The following PRUNE2 variants were observed in gnomAD, a reference collection of about 807,000 sequenced individuals.
The protein encoded by PRUNE2 is prune homolog 2 with BCH domain, also known as protein prune homolog 2.
Under a neutral mutation model 252.0 loss-of-function variants are expected in PRUNE2, and 164 were observed. The ratio of observed to expected loss-of-function variants is 0.65; its 90% CI spans 0.57 to 0.74. PRUNE2 has a LOEUF of 0.74. PRUNE2 is among the 30% of genes least tolerant of loss of function. The pLI is 0.00. For synonymous variants in PRUNE2, 1,292 were observed against 1,350.2 expected (o/e 0.96, Z 0.94); for missense variants, 3,495 against 3,711.0 (o/e 0.94, Z 1.51).
intron 9 of PRUNE2, among the ~76,000 whole-genome samples, chr9:76,660,850 T>C (rs1238840087): frequency 6.7e-6 from 1 of 150,148 alleles, no homozygotes; most frequent in African/African-American, 2.4e-5. Context: ...TGCTTACTTC[T>C]ACAAGCAAGT....
intron 6 of PRUNE2, among the ~76,000 whole-genome samples, chr9:76,716,436 G>A (rs1422093067): frequency 6.6e-6 from 1 of 152,178 alleles, no homozygotes; most frequent in African/African-American, 2.4e-5. Flanking sequence ...TTTATTAGTT[G>A]ATATATTTTC....
chr9:76,699,311 T>C (rs752830563), intron 9 of PRUNE2, among the ~76,000 whole-genome samples: 64 of 152,086 alleles, frequency 4.2e-4, no homozygotes, highest in Non-Finnish European at 7.6e-4. Context: ...ATAGTTAATG[T>C]TTATGTTTCG....
In PRUNE2 at chr9:76,707,512, T is replaced by A; in HGVS notation, c.4762A>T (p.Thr1588Ser). The change falls in exon 8 of 19, where the codon ACC becomes TCC. Residue 1588 changes from threonine (T) to serine (S), a missense_variant. By Grantham distance (58) the Thr-to-Ser change is moderately conservative (BLOSUM62 1). Transcript: ENST00000376718. The part of the protein sequence containing the change: ...EQNHQESELI[T>S]TDGQVEIVTK... ...ACTATTTCTACTTGGCCATCAGTGG[T>A]AATTAGTTCAGATTCTTGGTGATTC... The A allele has an allele frequency of 6.2e-7, 1 of 1,613,902 alleles. No homozygotes were observed. Among genetic ancestry groups the A allele is most frequent in the Non-Finnish European group, 8.5e-7 (1 of 1,179,790 alleles).
chr9:76,777,330 A>C (rs1299610902), intron 6 of PRUNE2, among the ~76,000 whole-genome samples: 1 of 152,166 alleles, frequency 6.6e-6, no homozygotes, highest in Non-Finnish European at 1.5e-5. Flanking sequence ...CTGAGAAAGA[A>C]TATAATAAGC....
At chr9:76,651,215 T>TG (rs879538564) in intron 11 of PRUNE2, among the ~76,000 whole-genome samples, 86 of 55,314 alleles carry the variant, frequency 1.6e-3, no homozygotes, top group Non-Finnish European at 2.7e-3. Context: ...CAATAACTTA[T>TG]GGAAAAAAAA....
intron 6 of PRUNE2, among the ~76,000 whole-genome samples, chr9:76,795,932 T>C (rs1475407516): frequency 6.6e-6 from 1 of 152,182 alleles, no homozygotes; most frequent in African/African-American, 2.4e-5. Flanking sequence ...CTCAAACAGA[T>C]AGATATTGGT....
intron 6 of PRUNE2, among the ~76,000 whole-genome samples, chr9:76,803,727 G>T (rs1589308337): frequency 6.6e-6 from 1 of 152,268 alleles, no homozygotes; most frequent in South Asian, 2.1e-4. Context: ...CCTAGCTGTA[G>T]ATTCCTGACC....
In PRUNE2 at chr9:76,792,290, T is replaced by C. The variant is rs560772651; in HGVS notation, c.756+31342A>G. 3.9e-5 allele frequency among the ~76,000 whole-genome samples: 6 copies of C among 152,286 alleles called. No individual in the cohort carries two copies. In the South Asian group the frequency reaches 6.2e-4, roughly 16 times the overall value. On this transcript the variant is annotated intron_variant, in intron 6 of 18. Coordinates refer to ENST00000376718, the MANE Select transcript of PRUNE2 (RefSeq NM_015225.3). ...CCCTCTTGCCTGTCACCATGTAAGATGTGACTATGCTCCTCCTTCACCTTC... is the reference window on the plus strand; with the variant it reads ...CCCTCTTGCCTGTCACCATGTAAGACGTGACTATGCTCCTCCTTCACCTTC...
At chr9:76,620,785 G>A (rs1831958900) in intron 17 of PRUNE2, among the ~76,000 whole-genome samples, 3 of 152,140 alleles carry the variant, frequency 2.0e-5, no homozygotes, top group South Asian at 4.1e-4. Flanking sequence ...AATCAAGAAA[G>A]GGCAATCTTC....
Position 76,709,647 on chromosome 9 carries a change from A to C in PRUNE2, c.2627T>G (p.Ile876Ser). The change falls in exon 8 of 19, where the codon ATC (isoleucine) becomes AGC (serine). Residue 876 changes from isoleucine to serine, a missense_variant. Transcript: ENST00000376718. ...AGAACTGGGATTTCCAGGTGCAAAG[A>C]TGTGATCCCTGGAGTCATTGTTTTT... is the stretch of plus-strand genomic sequence containing the variant. ...GKKNNDSRDHIFAPGNPSSDL... is the reference protein window; with the variant it reads ...GKKNNDSRDHSFAPGNPSSDL... 1 of 1,613,990 alleles carries C rather than the reference A, an allele frequency of 6.2e-7. No individual in the cohort carries two copies. Among genetic ancestry groups the C allele is most frequent in the Non-Finnish European group, 8.5e-7 (1 of 1,179,888 alleles).
intron 6 of PRUNE2, among the ~76,000 whole-genome samples, chr9:76,822,108 G>A (rs1348313192): frequency 6.6e-6 from 1 of 152,106 alleles, no homozygotes; most frequent in Non-Finnish European, 1.5e-5. Flanking sequence ...GTTTTCCTTG[G>A]GTTCTTAGGC....
At chr9:76,858,292 T>C (rs2060364943) in intron 1 of PRUNE2, among the ~76,000 whole-genome samples, 1 of 152,078 alleles carries the variant, frequency 6.6e-6, no homozygotes, top group African/African-American at 2.4e-5. Context: ...ATAATTTAAA[T>C]GGAGAAGATG....
intron 17 of PRUNE2, among the ~76,000 whole-genome samples, chr9:76,621,358 G>A (rs1536821): frequency 0.93 from 142,341 of 152,274 alleles, 66,635 homozygotes; most frequent in Admixed American, 0.96. Flanking sequence ...TGTTGCTGGT[G>A]GCCGAGATGG....
intron 6 of PRUNE2, among the ~76,000 whole-genome samples, chr9:76,746,472 G>A (rs935182641): frequency 1.3e-5 from 2 of 151,930 alleles, no homozygotes; most frequent in East Asian, 1.9e-4. Flanking sequence ...TTGGGAGGCC[G>A]AGGCGGGTGG....
rs1225502425 is a variant in PRUNE2 at position 76,706,895 on chromosome 9, C to T, written c.5379G>A (p.Gly1793=). 6.3e-7 allele frequency: 1 copy of T among 1,599,326 alleles called. No individual in the cohort carries two copies. Among genetic ancestry groups the T allele is most frequent in the Non-Finnish European group, 8.5e-7 (1 of 1,172,578 alleles). ...EKEKRSSPET[G]TTGDVAWQIS... ...TTTGCCATGCAACATCTCCTGTTGTCCCTGTTTCTGGAGAAGATCTCTTCT... is the reference window on the plus strand; with the variant it reads ...TTTGCCATGCAACATCTCCTGTTGTTCCTGTTTCTGGAGAAGATCTCTTCT... The change falls in exon 8 of 19, where the codon GGG becomes GGA. Residue 1793 remains glycine, a synonymous_variant. Transcript: ENST00000376718.
At position 76,762,332 on chromosome 9, in the gene PRUNE2, A is replaced by G. The variant is rs369021459; in HGVS notation, c.757-48611T>C. Among the ~76,000 whole-genome samples, 31 of 152,316 alleles carry G rather than the reference A, an allele frequency of 2.0e-4. 1 individual carries two copies. In the East Asian group the frequency reaches 4.8e-3, roughly 24 times the overall value. On this transcript the variant is annotated intron_variant, in intron 6 of 18. Coordinates refer to ENST00000376718, the MANE Select transcript of PRUNE2 (RefSeq NM_015225.3). The stretch of plus-strand genomic sequence containing the variant: ...AAGTGTGTTAACATAGGAAGCAGTG[A>G]TCCAAAGTCATTTCCGGATAACCTA...
intron 8 of PRUNE2, 58 bp downstream of exon 8, chr9:76,704,703 G>A (rs1321493242): frequency 4.3e-6 from 5 of 1,167,720 alleles, no homozygotes; most frequent in Non-Finnish European, 6.0e-6. Flanking sequence ...TTACAAATAT[G>A]CACTAGTTTA....
rs568897621 is a variant in PRUNE2, at chr9:76,889,774, C to T, written c.36+16154G>A. Among the ~76,000 whole-genome samples the T allele has an allele frequency of 2.4e-4, 37 of 152,304 alleles. No individual in the cohort carries two copies. In the South Asian group the frequency reaches 6.8e-3, roughly 28 times the overall value. On this transcript the variant is annotated intron_variant, in intron 1 of 18. Transcript: ENST00000376718. The stretch of plus-strand genomic sequence containing the variant: ...ACTTCCACTGCAGGGCACCTTCTCC[C>T]AGCTGTGCAGCCCCCTCAGATTCTA...
At chr9:76,697,722 G>C (rs2045521781) in intron 9 of PRUNE2, among the ~76,000 whole-genome samples, 2 of 152,210 alleles carry the variant, frequency 1.3e-5, no homozygotes, top group Admixed American at 1.3e-4. Flanking sequence ...CACTGGGCTA[G>C]ACAGAGAAGA....
Sources: gnomAD v4.1 joint callset for allele counts (sites outside exome capture counted in the v4.1 genomes callset) on GRCh38, gnomAD v4.1.1 for gene constraint, MANE v1.5 for transcripts, NCBI Gene and HGNC (gene_info 2026-07-23, HGNC 2026-07-21) for gene names.